GSDME: variants seen among roughly 807,000 people sequenced by gnomAD.
The protein encoded by GSDME is gasdermin-E.
In GSDME, 44 loss-of-function variants were observed where a neutral mutation model predicts 47.5. The ratio of observed to expected loss-of-function variants is 0.93; its 90% CI spans 0.73 to 1.19. GSDME has a LOEUF of 1.19. Ranked by LOEUF, GSDME falls within the 50% of genes most tolerant of loss-of-function variation. GSDME has a pLI of 0.00. For missense variants in GSDME, 663 were observed against 604.2 expected, an observed-to-expected ratio of 1.10 and a Z score of -1.02; for synonymous variants, 258 against 252.8, an observed-to-expected ratio of 1.02 and a Z score of -0.20.
rs1790304329 is a variant in GSDME, at chr7:24,736,305, T to C, written c.404+8257A>G. ...CACCCTTCACCTATAAAGACACATA[T>C]AGACTGAAAATAAAGGGATGGAAAA... On this transcript the variant is annotated intron_variant, in intron 3 of 9. Coordinates refer to ENST00000645220, the MANE Select transcript of GSDME (RefSeq NM_001127453.2). This position sits in a 1 kb window ranked among gnomAD's most constrained non-coding sequence, Gnocchi z 4.6. 1.3e-5 allele frequency among the ~76,000 whole-genome samples: 2 copies of C among 151,878 alleles called. No homozygotes were observed. Among genetic ancestry groups the C allele is most frequent in the African/African-American group, 4.8e-5 (2 of 41,426 alleles).
upstream of GSDME, among the ~76,000 whole-genome samples, chr7:24,759,495 C>G (rs1013960569): frequency 1.3e-5 from 2 of 152,112 alleles, no homozygotes; most frequent in African/African-American, 4.8e-5. Flanking sequence ...TCTACTGTCA[C>G]CAAGCATGCT....
At chr7:24,699,411 C>T (rs188155936) in intron 9 of GSDME, 152 bp from the exon 10 acceptor site, 8 of 677,380 alleles carry the variant, frequency 1.2e-5, no homozygotes, top group East Asian at 2.8e-5. Context: ...GGCGTGATCT[C>T]GGCTCACTGC....
chr7:24,707,140 AC>A, intron 7 of GSDME: 1 of 363,966 alleles, frequency 2.7e-6, no homozygotes, highest in Non-Finnish European at 5.4e-6. Flanking sequence ...CATCACTGAT[AC>A]CCAGGCTCTT....
chr7:24,784,371 A>G, the GSDME span, among the ~76,000 whole-genome samples: 2 of 152,200 alleles, frequency 1.3e-5, no homozygotes, highest in African/African-American at 2.4e-5. Context: ...CTGAGGAGCA[A>G]CGAAGCCAGT....
chr7:24,789,228 T>G, the GSDME span, among the ~76,000 whole-genome samples: 1 of 151,996 alleles, frequency 6.6e-6, no homozygotes, highest in Non-Finnish European at 1.5e-5. Context: ...ATATGTTGGT[T>G]TGAGTAGTAA....
At chr7:24,750,131 A>G (rs527261150) in intron 1 of GSDME, among the ~76,000 whole-genome samples, 1 of 152,334 alleles carries the variant, frequency 6.6e-6, no homozygotes, top group South Asian at 2.1e-4. Context: ...TCAGGGATCC[A>G]GACTGAAGGG....
rs1187833103 is a variant in GSDME at position 24,745,027 on chromosome 7, GT to G, written c.212-274del. 7.2e-5 allele frequency among the ~76,000 whole-genome samples: 10 copies of G among 138,748 alleles called. No homozygotes were observed. The highest frequency in any genetic ancestry group is 2.9e-4 in the African/African-American group (10 of 33,954). 91.0% of individuals were successfully genotyped at this position (138,748 alleles called of 152,430 possible). A position where few individuals can be genotyped will look rare whatever the true frequency, so the allele number is the denominator to read the frequency against. ...TGTGTGTGTGTGTGTGTGTGTGTGTGTGTGTGTGGACCACGGGCACACAGTG... is the reference window on the plus strand; with the variant it reads ...TGTGTGTGTGTGTGTGTGTGTGTGTGGTGTGTGGACCACGGGCACACAGTG... On this transcript the variant is annotated intron_variant, in intron 2 of 9. Transcript: ENST00000645220. The surrounding 1 kb of genome is among the most constrained non-coding windows in gnomAD (Gnocchi z 4.4).
chr7:24,714,275 A>G lies in GSDME; in HGVS notation c.697+2979T>C, dbSNP rs543426565. On this transcript the variant is annotated intron_variant, in intron 5 of 9. Transcript: ENST00000645220. This position sits in a 1 kb window ranked among gnomAD's most constrained non-coding sequence, Gnocchi z 5.0. ...AGTCTGCCTCCCTTCGAGGTTTCAA[A>G]GGACGACCAGGATCTCTGTCAAATG... 2.6e-5 allele frequency among the ~76,000 whole-genome samples: 4 copies of G among 152,164 alleles called. No individual in the cohort carries two copies. The highest frequency in any genetic ancestry group is 5.9e-5 in the Non-Finnish European group (4 of 68,038).
At chr7:24,784,430 T>G in the GSDME span, among the ~76,000 whole-genome samples, 1 of 152,056 alleles carries the variant, frequency 6.6e-6, no homozygotes, top group Admixed American at 6.5e-5. Flanking sequence ...AAGCCAACAG[T>G]GCAGACTTCA....
At position 24,728,669 on chromosome 7, in the gene GSDME, G is replaced by T. The variant is rs1790048664; in HGVS notation, c.405-9451C>A. On this transcript the variant is annotated intron_variant, in intron 3 of 9. Coordinates refer to ENST00000645220, the MANE Select transcript of GSDME (RefSeq NM_001127453.2). The surrounding 1 kb of genome is among the most constrained non-coding windows in gnomAD (Gnocchi z 7.2). ...TCCCATGAGAGCTTCCCAGAGTCAG[G>T]AAGTGGATCCTCTTGGAAACGAAAG... is the stretch of plus-strand genomic sequence containing the variant. Among the ~76,000 whole-genome samples the T allele has an allele frequency of 6.6e-6, 1 of 152,184 alleles. No homozygotes were observed.
intron 3 of GSDME, among the ~76,000 whole-genome samples, chr7:24,720,613 C>T (rs1470514371): frequency 6.6e-6 from 1 of 152,160 alleles, no homozygotes; most frequent in Non-Finnish European, 1.5e-5. Context: ...TATCATACAG[C>T]CATAAAAAGA....
intron 8 of GSDME, chr7:24,703,204 T>C: frequency 2.9e-6 from 1 of 347,830 alleles, no homozygotes; most frequent in Non-Finnish European, 5.6e-6. Flanking sequence ...GGCTGCAGCC[T>C]CAGGTACACC....
intron 3 of GSDME, among the ~76,000 whole-genome samples, chr7:24,734,026 G>T (rs745389263): frequency 6.6e-6 from 1 of 152,206 alleles, no homozygotes; most frequent in Non-Finnish European, 1.5e-5. Flanking sequence ...TCCCAGTGGT[G>T]GTGGCCACAC....
intron 4 of GSDME, 39 bp from the exon 5 acceptor site, chr7:24,717,413 G>T (rs374305714): frequency 5.0e-6 from 8 of 1,613,660 alleles, no homozygotes; most frequent in Admixed American, 1.7e-5. Context: ...GTGCACTCGG[G>T]CTCTCCAAGC....
At chr7:24,702,530 G>T in intron 9 of GSDME, 1 of 477,724 alleles carries the variant, frequency 2.1e-6, no homozygotes, top group Non-Finnish European at 4.0e-6. Context: ...CAAGGATGAA[G>T]TCCTGGACCT....
intron 2 of GSDME, among the ~76,000 whole-genome samples, chr7:24,748,727 C>T (rs538978655): frequency 1.1e-4 from 16 of 152,226 alleles, no homozygotes; most frequent in African/African-American, 3.6e-4. Context: ...TCCAGGTGCT[C>T]TGTCCATGGT....
chr7:24,762,446 A>G (rs960202971), upstream of GSDME, among the ~76,000 whole-genome samples: 2 of 152,256 alleles, frequency 1.3e-5, no homozygotes, highest in African/African-American at 4.8e-5. Context: ...CCAGAGATAT[A>G]CAAACTTTTT....
intron 3 of GSDME, among the ~76,000 whole-genome samples, chr7:24,730,265 T>G (rs1382193403): frequency 6.6e-6 from 1 of 152,230 alleles, no homozygotes; most frequent in Non-Finnish European, 1.5e-5. Context: ...AGCTCATCAG[T>G]TCTGAGACAC....
the GSDME span, among the ~76,000 whole-genome samples, chr7:24,771,171 A>T: frequency 6.6e-6 from 1 of 152,238 alleles, no homozygotes; most frequent in Non-Finnish European, 1.5e-5. The surrounding 1 kb of genome is among the most constrained non-coding windows in gnomAD (Gnocchi z 4.1). Context: ...ATGTCAGGTA[A>T]CTGTAAATGC....
Sources: gnomAD v4.1 joint callset for allele counts (sites outside exome capture counted in the v4.1 genomes callset) on GRCh38, gnomAD v4.1.1 for gene constraint, Gnocchi (gnomAD v3.1) non-coding constraint, MANE v1.5 for transcripts, NCBI Gene and HGNC (gene_info 2026-07-23, HGNC 2026-07-21) for gene names.